Variants in IQCM observed in about 807,000 individuals in gnomAD.
IQCM encodes IQ motif containing M.
Under a neutral mutation model 57.6 loss-of-function variants are expected in IQCM, and 45 were observed. The observed-to-expected ratio is 0.78, with a 90% CI of 0.62 to 1.00. The LOEUF is 1.00. Ranked by LOEUF, IQCM falls within the 50% of genes least tolerant of loss-of-function variation. The probability of loss-of-function intolerance (pLI) is 0.00; values close to 1 mark genes in which losing one functional copy is unlikely to be tolerated. For missense variants in IQCM, 468 were observed against 511.6 expected, an observed-to-expected ratio of 0.91 and a Z score of 0.82; for synonymous variants, 148 against 158.9, an observed-to-expected ratio of 0.93 and a Z score of 0.51.
In IQCM at chr4:149,582,307, CATATATATATATATATATAT is replaced by C. The variant is rs70965193; in HGVS notation, c.749+5603_749+5622del. On this transcript the variant is annotated intron_variant, in intron 9 of 13. Coordinates refer to ENST00000636793, the MANE Select transcript of IQCM (RefSeq NM_001363507.2). ...GTCAATCCAATGAAGATGCTGTAGA[CATATATATATATATATATAT>C]ATATATATATATATATATATATATA... 9.0e-3 allele frequency among the ~76,000 whole-genome samples: 792 copies of C among 88,084 alleles called. 14 individuals are homozygous for C. Among genetic ancestry groups the C allele is most frequent in the African/African-American group, 0.023 (443 of 19,430 alleles). 57.8% of individuals were successfully genotyped at this position (88,084 alleles called of 152,430 possible). A position where few individuals can be genotyped will look rare whatever the true frequency, so the allele number is the denominator to read the frequency against.
At chr4:149,804,061 A>G (rs1235274157) in intron 2 of IQCM, among the ~76,000 whole-genome samples, 2 of 151,898 alleles carry the variant, frequency 1.3e-5, no homozygotes, top group African/African-American at 4.8e-5. Context: ...GGAAGGCTAT[A>G]GGAGGCTGGA....
chr4:149,732,044 C>T (rs1273378514), intron 5 of IQCM, among the ~76,000 whole-genome samples: 3 of 152,080 alleles, frequency 2.0e-5, no homozygotes, highest in African/African-American at 7.2e-5. Flanking sequence ...CCTCACTTAG[C>T]TCTCTGTCAT....
chr4:149,667,365 A>G (rs1760826342), intron 7 of IQCM, among the ~76,000 whole-genome samples: 1 of 152,138 alleles, frequency 6.6e-6, no homozygotes, highest in African/African-American at 2.4e-5. Context: ...AAACTAACAA[A>G]CAGAAAGGAA....
chr4:149,481,708 T>TTTTTTTTTTG (rs1740878063), intron 12 of IQCM, among the ~76,000 whole-genome samples: 1 of 134,710 alleles, frequency 7.4e-6, no homozygotes, highest in Non-Finnish European at 1.6e-5. Flanking sequence ...TTTGTTTTTT[T>TTTTTTTTTTG]TTTTTTTTTT....
intron 3 of IQCM, chr4:149,737,808 C>A (rs1171146844): frequency 6.6e-6 from 1 of 152,230 alleles, no homozygotes; most frequent in Non-Finnish European, 1.5e-5. Context: ...GGAAAGCCAG[C>A]AAGCTATTCC....
intron 11 of IQCM, among the ~76,000 whole-genome samples, chr4:149,550,738 T>C (rs77459699): frequency 2.4e-3 from 368 of 152,290 alleles, no homozygotes; most frequent in African/African-American, 8.7e-3. Context: ...ATCACCCAAT[T>C]AGCCATCAAC....
chr4:149,760,403 A>C (rs1322904175), intron 2 of IQCM, among the ~76,000 whole-genome samples: 1 of 152,148 alleles, frequency 6.6e-6, no homozygotes, highest in Non-Finnish European at 1.5e-5. Flanking sequence ...CTATTTATAC[A>C]AGATGAAAAT....
At chr4:149,467,709 GAA>G (rs2149720905) in intron 12 of IQCM, among the ~76,000 whole-genome samples, 1 of 152,190 alleles carries the variant, frequency 6.6e-6, no homozygotes, top group East Asian at 1.9e-4. Flanking sequence ...TCAGAATCCA[GAA>G]AAGTCTGTCT....
At chr4:149,365,299 C>A (rs1729754577) in intron 13 of IQCM, among the ~76,000 whole-genome samples, 1 of 151,930 alleles carries the variant, frequency 6.6e-6, no homozygotes, top group Non-Finnish European at 1.5e-5. Flanking sequence ...ATCTCTAAAT[C>A]TGGAAAAAAT....
In IQCM at chr4:149,717,016, AC is replaced by A. The variant is rs1765061154; in HGVS notation, c.385+16227del. On this transcript the variant is annotated intron_variant, in intron 5 of 13. Coordinates refer to ENST00000636793, the MANE Select transcript of IQCM (RefSeq NM_001363507.2). ...TACAGCAACAGCTCCTGAGCTCAGGACCCATCCAGACCTCACTCTATGTATC... is the reference window on the plus strand; with the variant it reads ...TACAGCAACAGCTCCTGAGCTCAGGACCATCCAGACCTCACTCTATGTATC... 2.0e-5 allele frequency among the ~76,000 whole-genome samples: 3 copies of A among 152,230 alleles called. No homozygotes were observed. In the South Asian group the frequency reaches 6.2e-4, roughly 32 times the overall value.
intron 7 of IQCM, among the ~76,000 whole-genome samples, chr4:149,681,660 A>C (rs1762186960): frequency 6.6e-6 from 1 of 151,170 alleles, no homozygotes; most frequent in Non-Finnish European, 1.5e-5. Context: ...GAAGCTCATG[A>C]GGAACAAGTT....
intron 5 of IQCM, among the ~76,000 whole-genome samples, chr4:149,689,322 C>T (rs1279391313): frequency 6.6e-6 from 1 of 151,912 alleles, no homozygotes; most frequent in Non-Finnish European, 1.5e-5. Context: ...GAAAACCAAA[C>T]ACTGCATGTT....
intron 5 of IQCM, among the ~76,000 whole-genome samples, chr4:149,687,730 A>G (rs1762649075): frequency 6.6e-6 from 1 of 151,976 alleles, no homozygotes; most frequent in African/African-American, 2.4e-5. Context: ...GTCCAACAAC[A>G]TATCTAAAAG....
chr4:149,365,149 G>T (rs2110940354), intron 13 of IQCM, among the ~76,000 whole-genome samples: 1 of 152,196 alleles, frequency 6.6e-6, no homozygotes, highest in South Asian at 2.1e-4. Context: ...TGGATAAATA[G>T]ATGATTCCAG....
At chr4:149,352,551 T>C (rs981738882) in intron 13 of IQCM, among the ~76,000 whole-genome samples, 1 of 152,184 alleles carries the variant, frequency 6.6e-6, no homozygotes, top group Non-Finnish European at 1.5e-5. Flanking sequence ...GTATACATTA[T>C]ATGCAAATAC....
At chr4:149,390,310 G>A in intron 13 of IQCM, among the ~76,000 whole-genome samples, 1 of 151,724 alleles carries the variant, frequency 6.6e-6, no homozygotes, top group African/African-American at 2.4e-5. Flanking sequence ...AATTTACCTT[G>A]TATCCTGGCT....
chr4:149,481,791 A>C (rs1740924161), intron 12 of IQCM, among the ~76,000 whole-genome samples: 1 of 143,226 alleles, frequency 7.0e-6, no homozygotes, highest in Admixed American at 7.3e-5. Context: ...TAGGATCCAA[A>C]AAAAATTTAT....
chr4:149,445,840 T>G (rs570381253), intron 12 of IQCM, among the ~76,000 whole-genome samples: 132 of 151,930 alleles, frequency 8.7e-4, no homozygotes, highest in Non-Finnish European at 1.4e-3. Context: ...AAAAGGAATA[T>G]CATTTTTTCC....
At chr4:149,374,998 T>TGTGTGTGTGTGTGTGTG (rs10699278) in intron 13 of IQCM, among the ~76,000 whole-genome samples, 7 of 132,526 alleles carry the variant, frequency 5.3e-5, no homozygotes, top group African/African-American at 1.9e-4. Flanking sequence ...TGTGTGTGTG[T>TGTGTGTGTGTGTGTGTG]TGTGTGTGTG....
Sources: gnomAD v4.1 joint callset for allele counts (sites outside exome capture counted in the v4.1 genomes callset) on GRCh38, gnomAD v4.1.1 for gene constraint, MANE v1.5 for transcripts, NCBI Gene and HGNC (gene_info 2026-07-23, HGNC 2026-07-21) for gene names.